Variants in GULP1 observed in about 807,000 individuals in gnomAD.
GULP1 encodes the protein GULP PTB domain containing engulfment adaptor 1.
Under a neutral mutation model 40.9 loss-of-function variants are expected in GULP1, and 19 were observed. That is an observed-to-expected ratio of 0.46 (90% CI 0.32 to 0.68). GULP1 has a LOEUF of 0.68. Ranked by LOEUF, GULP1 falls within the 30% of genes least tolerant of loss-of-function variation. The pLI, the probability that GULP1 is intolerant of heterozygous loss-of-function variation, is 0.03. For synonymous variants in GULP1, 119 were observed against 117.6 expected (o/e 1.01, Z -0.08); for missense variants, 312 against 362.2 (o/e 0.86, Z 1.12).
chr2:188,338,043 A>C (rs568671994), intron 1 of GULP1, among the ~76,000 whole-genome samples: 157 of 152,234 alleles, frequency 1.0e-3, no homozygotes, highest in African/African-American at 3.6e-3. Context: ...TTGTATTTTC[A>C]AAATTAGTAT....
At chr2:188,366,588 C>CTTT (rs34745549) in intron 1 of GULP1, among the ~76,000 whole-genome samples, 220 of 83,726 alleles carry the variant, frequency 2.6e-3, no homozygotes, top group Non-Finnish European at 3.1e-3. Flanking sequence ...CAGTTACTTT[C>CTTT]TTTTTTTTTT....
intron 4 of GULP1, among the ~76,000 whole-genome samples, chr2:188,489,341 T>C (rs79890583): frequency 0.028 from 4,216 of 152,098 alleles, 122 homozygotes; most frequent in African/African-American, 0.062. Context: ...CCAGTTTTGC[T>C]GGTTGTAGAA....
chr2:188,507,754 CATTA>C (rs1455005267), intron 4 of GULP1, among the ~76,000 whole-genome samples: 1 of 151,880 alleles, frequency 6.6e-6, no homozygotes, highest in Non-Finnish European at 1.5e-5. Context: ...CTACATAGTT[CATTA>C]ATTACCATTC....
chr2:188,410,102 G>A (rs1401953364), intron 2 of GULP1, among the ~76,000 whole-genome samples: 2 of 152,130 alleles, frequency 1.3e-5, no homozygotes, highest in Admixed American at 6.5e-5. Flanking sequence ...AGAAAGGACA[G>A]TATCTTCAAT....
intron 4 of GULP1, among the ~76,000 whole-genome samples, chr2:188,502,959 C>T (rs1048566169): frequency 2.6e-5 from 4 of 151,908 alleles, no homozygotes; most frequent in African/African-American, 9.7e-5. Context: ...TGTGTCCTCA[C>T]ATGGCAGAAA....
chr2:188,587,997 T>C (rs757036638), intron 11 of GULP1, 48 bp downstream of exon 11: 1 of 944,698 alleles, frequency 1.1e-6, no homozygotes, highest in Non-Finnish European at 1.8e-6. Context: ...TTCATTTTGA[T>C]ATGGGACAAA....
At chr2:188,593,020 G>A (rs976058715) in intron 11 of GULP1, 1 of 152,020 alleles carries the variant, frequency 6.6e-6, no homozygotes, top group African/African-American at 2.4e-5. Context: ...GAAAAAAAAG[G>A]TAGAGTATGT....
intron 2 of GULP1, among the ~76,000 whole-genome samples, chr2:188,441,306 A>G (rs774973194): frequency 6.6e-6 from 1 of 152,166 alleles, no homozygotes; most frequent in Non-Finnish European, 1.5e-5. Context: ...CACCCTTTAC[A>G]TGCTGTTCAG....
At chr2:188,294,042 A>G (rs6753371) in intron 1 of GULP1, 85,438 of 152,092 alleles carry the variant, frequency 0.56, 24,508 homozygotes, top group East Asian at 0.9. Flanking sequence ...CAAAGTCTGA[A>G]CTTTCCTTAT....
At chr2:188,333,097 T>G (rs1050332009) in intron 1 of GULP1, among the ~76,000 whole-genome samples, 2 of 151,960 alleles carry the variant, frequency 1.3e-5, no homozygotes, top group East Asian at 3.9e-4. Context: ...ATAAAAACAT[T>G]AGCGGGGCAT....
chr2:188,377,566 A>G (rs956196625), intron 1 of GULP1, among the ~76,000 whole-genome samples: 4 of 152,142 alleles, frequency 2.6e-5, no homozygotes, highest in Non-Finnish European at 5.9e-5. Flanking sequence ...CTGCACCCCT[A>G]CCAATTGGTT....
chr2:188,294,951 C>T (rs936394614), intron 1 of GULP1, among the ~76,000 whole-genome samples: 1 of 152,102 alleles, frequency 6.6e-6, no homozygotes, highest in Admixed American at 6.5e-5. Flanking sequence ...ATAAAAATTA[C>T]CACTTTTACA....
At chr2:188,370,836 G>A (rs1474516932) in intron 1 of GULP1, among the ~76,000 whole-genome samples, 2 of 152,062 alleles carry the variant, frequency 1.3e-5, no homozygotes, top group African/African-American at 2.4e-5. Context: ...ACTTTCAAAT[G>A]TATGTGTTAC....
chr2:188,494,289 A>C (rs1010990567), intron 4 of GULP1, among the ~76,000 whole-genome samples: 2 of 151,964 alleles, frequency 1.3e-5, no homozygotes, highest in Admixed American at 6.6e-5. Flanking sequence ...GTTTGTTTCA[A>C]AACCTCTTGA....
Position 188,348,296 on chromosome 2 carries a change from G to A in GULP1, c.-171-35467G>A, listed in dbSNP as rs531241695. ...TTTTAATAGATTCAGTGTCAGACCC[G>A]GAATATCAGGAAGTTATCTGGTCAA... is the stretch of plus-strand genomic sequence containing the variant. On this transcript the variant is annotated intron_variant, in intron 1 of 11. Coordinates refer to ENST00000409830, the MANE Select transcript of GULP1 (RefSeq NM_016315.4). 1.0e-3 allele frequency among the ~76,000 whole-genome samples: 159 copies of A among 152,218 alleles called. 1 individual carries two copies. Among genetic ancestry groups the A allele is most frequent in the Non-Finnish European group, 1.8e-3 (123 of 67,988 alleles).
chr2:188,354,835 C>T (rs1476133967), intron 1 of GULP1, among the ~76,000 whole-genome samples: 1 of 152,086 alleles, frequency 6.6e-6, no homozygotes, highest in African/African-American at 2.4e-5. Flanking sequence ...AAACATCAAA[C>T]TGATATCAAG....
At chr2:188,335,876 G>C (rs1327998474) in intron 1 of GULP1, among the ~76,000 whole-genome samples, 1 of 152,182 alleles carries the variant, frequency 6.6e-6, no homozygotes, top group Non-Finnish European at 1.5e-5. Context: ...TTGTGTGAAA[G>C]TGGGAACACT....
chr2:188,468,788 T>G (rs1017597658), intron 2 of GULP1, among the ~76,000 whole-genome samples: 2 of 152,066 alleles, frequency 1.3e-5, no homozygotes, highest in African/African-American at 4.8e-5. Context: ...AATCTGGACT[T>G]AGGTACGAGA....
At chr2:188,576,275 T>C (rs1187743711) in intron 9 of GULP1, among the ~76,000 whole-genome samples, 1 of 152,142 alleles carries the variant, frequency 6.6e-6, no homozygotes, top group Non-Finnish European at 1.5e-5. Flanking sequence ...TCCTTTTTTA[T>C]TGTCATTGTT....
Sources: allele counts gnomAD v4.1 joint callset (sites outside exome capture counted in the v4.1 genomes callset), GRCh38; gene constraint gnomAD v4.1.1; transcripts MANE v1.5; gene names NCBI Gene and HGNC (gene_info 2026-07-23, HGNC 2026-07-21).